The following RUNX1 variants were observed in gnomAD, a reference collection of about 807,000 sequenced individuals.
The protein encoded by RUNX1 is RUNX family transcription factor 1.
In RUNX1, 19 loss-of-function variants were observed where a neutral mutation model predicts 42.8. The observed-to-expected ratio is 0.44, with a 90% confidence interval of 0.31 to 0.65. The LOEUF is 0.65. Among genes scored for constraint, RUNX1 ranks in the 30% least tolerant of loss-of-function variants. RUNX1 has a pLI of 0.07. For synonymous variants in RUNX1, 271 were observed against 289.4 expected, an observed-to-expected ratio of 0.94 and a Z score of 0.64; for missense variants, 528 against 672.0, an observed-to-expected ratio of 0.79 and a Z score of 2.37.
chr21:34,924,308 G>A (rs1381995409), intron 2 of RUNX1, among the ~76,000 whole-genome samples: 1 of 152,192 alleles, frequency 6.6e-6, no homozygotes, highest in African/African-American at 2.4e-5. Context: ...ATATGGAGAT[G>A]AATGGAACAC....
chr21:34,823,733 G>A (rs1196839534), intron 7 of RUNX1, among the ~76,000 whole-genome samples: 1 of 152,236 alleles, frequency 6.6e-6, no homozygotes, highest in East Asian at 1.9e-4. Flanking sequence ...ATGAGCCACT[G>A]TGCCTGGCCC....
At chr21:34,883,873 AAC>A (rs1433846756) in intron 4 of RUNX1, among the ~76,000 whole-genome samples, 2 of 152,248 alleles carry the variant, frequency 1.3e-5, no homozygotes, top group South Asian at 2.1e-4. Context: ...TGTGGAGTGG[AAC>A]ACAGAATTCA....
At chr21:34,810,690 C>T (rs1263579313) in intron 7 of RUNX1, among the ~76,000 whole-genome samples, 2 of 152,192 alleles carry the variant, frequency 1.3e-5, no homozygotes, top group East Asian at 3.8e-4. Context: ...GCATCTGTCC[C>T]TTAGATTCCT....
In RUNX1 at chr21:34,923,891, C is replaced by A. The variant is rs1204550818; in HGVS notation, c.59-30928G>T. Among the ~76,000 whole-genome samples, 4 of 113,190 alleles carry A rather than the reference C, an allele frequency of 3.5e-5. 1 individual carries two copies. The highest frequency in any genetic ancestry group is 1.4e-4 in the African/African-American group (3 of 21,704). 74.3% of individuals were successfully genotyped at this position (113,190 alleles called of 152,430 possible). A position where few individuals can be genotyped will look rare whatever the true frequency, so the allele number is the denominator to read the frequency against. ...CGCTGCTGCTGAGCCATGTCTCTCG[C>A]GTTAAAATCTGAACACATTTCCCTG... On this transcript the variant is annotated intron_variant, in intron 2 of 8. Transcript: ENST00000675419.
intron 2 of RUNX1, among the ~76,000 whole-genome samples, chr21:34,928,783 G>A (rs547120348): frequency 1.4e-4 from 21 of 152,178 alleles, no homozygotes; most frequent in African/African-American, 5.1e-4. Flanking sequence ...ACTCAAAACA[G>A]TAGTGTTTTT....
intron 2 of RUNX1, among the ~76,000 whole-genome samples, chr21:35,010,290 T>C (rs754397278): frequency 9.9e-5 from 15 of 152,154 alleles, no homozygotes; most frequent in Non-Finnish European, 2.2e-4. Flanking sequence ...CAATATAGAT[T>C]TGGGGTAGTA....
At chr21:34,890,353 C>T (rs1485090791) in intron 3 of RUNX1, among the ~76,000 whole-genome samples, 2 of 152,180 alleles carry the variant, frequency 1.3e-5, no homozygotes, top group African/African-American at 4.8e-5. Context: ...AGACAGGAAG[C>T]CGCCCCAGAG....
intron 2 of RUNX1, among the ~76,000 whole-genome samples, chr21:34,978,316 A>C (rs2058819142): frequency 2.0e-5 from 3 of 152,216 alleles, no homozygotes; most frequent in African/African-American, 7.2e-5. Flanking sequence ...GATAAGTATG[A>C]GGGTGCTCAT....
chr21:34,796,631 C>A (rs929370457), intron 8 of RUNX1, among the ~76,000 whole-genome samples: 2 of 152,200 alleles, frequency 1.3e-5, no homozygotes, highest in African/African-American at 4.8e-5. Context: ...CAAGTCTTCG[C>A]TCTCCAGCTT....
intron 4 of RUNX1, among the ~76,000 whole-genome samples, chr21:34,884,088 A>C (rs1356233232): frequency 1.3e-5 from 2 of 152,194 alleles, no homozygotes; most frequent in Non-Finnish European, 2.9e-5. Flanking sequence ...ATACATCCTA[A>C]GTCATCAAAA....
intron 8 of RUNX1, among the ~76,000 whole-genome samples, chr21:34,796,192 AAAAG>A (rs144827575): frequency 2.4e-4 from 37 of 152,366 alleles, no homozygotes; most frequent in African/African-American, 8.7e-4. Context: ...GAGAACATCC[AAAAG>A]AAAGAGCTGC....
At chr21:34,992,678 A>G (rs1399399059) in intron 2 of RUNX1, among the ~76,000 whole-genome samples, 1 of 151,620 alleles carries the variant, frequency 6.6e-6, no homozygotes, top group Non-Finnish European at 1.5e-5. Flanking sequence ...CAAATATAAA[A>G]AAAAAAAAAA....
At position 34,970,679 on chromosome 21, in the gene RUNX1, A is replaced by G. The variant is rs2058757707; in HGVS notation, c.59-77716T>C. Among the ~76,000 whole-genome samples, 3 of 152,204 alleles carry G rather than the reference A, an allele frequency of 2.0e-5. No homozygotes were observed. The South Asian group carries it at 6.2e-4, about 32-fold the overall frequency. ...TGTGCATATTATTCTTTACATCTGC[A>G]AACTCATTTAATCCCCACACTAACC... On this transcript the variant is annotated intron_variant, in intron 2 of 8. Transcript: ENST00000675419.
chr21:34,939,935 C>T (rs1319044815), intron 2 of RUNX1, among the ~76,000 whole-genome samples: 1 of 152,170 alleles, frequency 6.6e-6, no homozygotes, highest in Non-Finnish European at 1.5e-5. Context: ...TGCCTCTCCC[C>T]TTCCTATTTT....
At chr21:35,000,941 G>A (rs151122806) in intron 2 of RUNX1, among the ~76,000 whole-genome samples, 61 of 152,252 alleles carry the variant, frequency 4.0e-4, no homozygotes, top group African/African-American at 1.4e-3. Flanking sequence ...AGGCAACCTC[G>A]AATGTCTCTA....
intron 8 of RUNX1, chr21:34,798,172 T>A: frequency 2.2e-6 from 1 of 455,606 alleles, no homozygotes; most frequent in South Asian, 1.5e-5. Flanking sequence ...TAATCTGCTA[T>A]AATTTGATCC....
intron 8 of RUNX1, among the ~76,000 whole-genome samples, chr21:34,795,434 A>T (rs984226611): frequency 2.0e-5 from 3 of 151,950 alleles, no homozygotes; most frequent in African/African-American, 7.3e-5. Context: ...ACTCCTCTGT[A>T]CCTTTGGGGT....
chr21:34,890,669 A>G (rs2058070824), intron 3 of RUNX1, among the ~76,000 whole-genome samples: 1 of 152,066 alleles, frequency 6.6e-6, no homozygotes, highest in Non-Finnish European at 1.5e-5. Flanking sequence ...CGGAAAGAAA[A>G]CTTACTACAT....
chr21:35,035,382 C>A (rs1446310698), intron 2 of RUNX1, among the ~76,000 whole-genome samples: 2 of 152,196 alleles, frequency 1.3e-5, no homozygotes, highest in African/African-American at 4.8e-5. Flanking sequence ...CCTCCCCACA[C>A]CCTGTCACAT....
Sources: gnomAD v4.1 joint callset for allele counts (sites outside exome capture counted in the v4.1 genomes callset) on GRCh38, gnomAD v4.1.1 for gene constraint, MANE v1.5 for transcripts, NCBI Gene and HGNC (gene_info 2026-07-23, HGNC 2026-07-21) for gene names.